Variants in CSMD1 observed in about 807,000 individuals in gnomAD.
CSMD1 encodes CUB and sushi domain-containing protein 1.
A neutral mutation model predicts 417.5 loss-of-function variants in CSMD1; 213 were observed. The observed-to-expected ratio is 0.51, with a 90% CI of 0.46 to 0.57. The LOEUF (loss-of-function observed/expected upper bound fraction) is 0.57. Among genes scored for constraint, CSMD1 ranks in the 20% least tolerant of loss-of-function variants. The pLI, the probability that CSMD1 is intolerant of heterozygous loss-of-function variation, is 0.00. For missense variants in CSMD1, 6,923 were observed against 4,529.7 expected (o/e 1.53, Z -15.17); for synonymous variants, 2,862 against 1,736.8 (o/e 1.65, Z -16.11).
intron 10 of CSMD1, among the ~76,000 whole-genome samples, chr8:3,539,120 G>T (rs939762369): frequency 2.6e-5 from 4 of 152,188 alleles, no homozygotes; most frequent in Admixed American, 1.3e-4. Context: ...CCCGCGGATA[G>T]CAGGGACCGC....
At chr8:3,803,302 C>G (rs1179713083) in intron 5 of CSMD1, among the ~76,000 whole-genome samples, 1 of 152,128 alleles carries the variant, frequency 6.6e-6, no homozygotes, top group African/African-American at 2.4e-5. Context: ...TTAGCAGCAG[C>G]TGGGTAGGGA....
At chr8:4,497,470 C>A (rs188476703) in intron 2 of CSMD1, among the ~76,000 whole-genome samples, 53 of 152,286 alleles carry the variant, frequency 3.5e-4, no homozygotes, top group African/African-American at 1.2e-3. Flanking sequence ...AATTGTGTTT[C>A]ACAGTTATAA....
intron 3 of CSMD1, among the ~76,000 whole-genome samples, chr8:4,265,220 G>A (rs527654126): frequency 2.3e-4 from 35 of 151,808 alleles, no homozygotes; most frequent in African/African-American, 8.2e-4. Flanking sequence ...AAATTATTTA[G>A]TTACAAATTG....
chr8:3,880,623 T>C (rs762648909), intron 5 of CSMD1, among the ~76,000 whole-genome samples: 1 of 152,216 alleles, frequency 6.6e-6, no homozygotes, highest in African/African-American at 2.4e-5. Flanking sequence ...CCATTTTAAA[T>C]CTAGGACATA....
intron 3 of CSMD1, among the ~76,000 whole-genome samples, chr8:4,402,800 C>CTTTTTTTTTTTT (rs60965667): frequency 3.6e-4 from 32 of 89,354 alleles, no homozygotes; most frequent in South Asian, 7.3e-4. Context: ...TCACTTTTTT[C>CTTTTTTTTTTTT]TTTTTTTTTT....
chr8:3,550,067 G>A (rs942454112), intron 10 of CSMD1, among the ~76,000 whole-genome samples: 3 of 152,012 alleles, frequency 2.0e-5, no homozygotes, highest in African/African-American at 7.3e-5. Flanking sequence ...ATCATTCTAA[G>A]TAAAAGGCAA....
chr8:3,973,450 A>G (rs1344664058), intron 5 of CSMD1, among the ~76,000 whole-genome samples: 3 of 152,224 alleles, frequency 2.0e-5, no homozygotes, highest in African/African-American at 7.2e-5. Flanking sequence ...TTTTTTGAAA[A>G]TATGTTGCAA....
chr8:4,041,016 CCTTTTT>C (rs1563352863), intron 3 of CSMD1, among the ~76,000 whole-genome samples: 14 of 78,604 alleles, frequency 1.8e-4, no homozygotes, highest in East Asian at 7.9e-4. Flanking sequence ...TTTTTTTTTT[CCTTTTT>C]TTTTTTTTTT....
chr8:4,956,248 T>C (rs1055295985), intron 1 of CSMD1, among the ~76,000 whole-genome samples: 53 of 70,198 alleles, frequency 7.6e-4, no homozygotes, highest in Non-Finnish European at 1.5e-3. Flanking sequence ...TTACTCGCTA[T>C]TTTTTTTTAA....
chr8:3,920,373 G>C (rs563879803), intron 5 of CSMD1, among the ~76,000 whole-genome samples: 1 of 151,994 alleles, frequency 6.6e-6, no homozygotes, highest in South Asian at 2.1e-4. Context: ...GTGTGTGTGT[G>C]TTTATGTGTG....
At chr8:4,131,787 G>C (rs1401029132) in intron 3 of CSMD1, among the ~76,000 whole-genome samples, 1 of 115,932 alleles carries the variant, frequency 8.6e-6, no homozygotes, top group South Asian at 2.9e-4. Flanking sequence ...TTTTGAGACG[G>C]AGTCTCGCTC....
chr8:3,598,501 C>T (rs377361768), intron 8 of CSMD1, among the ~76,000 whole-genome samples: 3 of 152,208 alleles, frequency 2.0e-5, no homozygotes, highest in East Asian at 1.9e-4. Context: ...GACATCCTTT[C>T]CTTCCCATCC....
chr8:3,217,307 C>T (rs766124815), intron 29 of CSMD1, among the ~76,000 whole-genome samples: 2 of 152,240 alleles, frequency 1.3e-5, no homozygotes, highest in African/African-American at 4.8e-5. Flanking sequence ...ACCTCAGGAA[C>T]TACAGCCTCC....
chr8:3,597,531 C>G (rs974856433), intron 8 of CSMD1, among the ~76,000 whole-genome samples: 2 of 152,146 alleles, frequency 1.3e-5, no homozygotes, highest in Admixed American at 1.3e-4. Flanking sequence ...ACATGTTTTT[C>G]TCACCACAAT....
chr8:3,582,996 G>T (rs1800446275), intron 9 of CSMD1, among the ~76,000 whole-genome samples: 1 of 152,164 alleles, frequency 6.6e-6, no homozygotes, highest in African/African-American at 2.4e-5. Flanking sequence ...TATTTTGTCT[G>T]GCCTTTACAT....
intron 2 of CSMD1, among the ~76,000 whole-genome samples, chr8:4,453,683 G>T (rs1035441180): frequency 2.0e-5 from 3 of 151,982 alleles, no homozygotes; most frequent in African/African-American, 7.3e-5. Flanking sequence ...GCAGTCTACA[G>T]ACCATGCCTG....
chr8:4,964,413 G>C (rs113811191), intron 1 of CSMD1, among the ~76,000 whole-genome samples: 3,525 of 144,550 alleles, frequency 0.024, 135 homozygotes, highest in African/African-American at 0.084. Context: ...CAGCTACCTG[G>C]GAAGCTGAGG....
At chr8:3,716,442 G>A (rs553193643) in intron 6 of CSMD1, among the ~76,000 whole-genome samples, 1 of 152,178 alleles carries the variant, frequency 6.6e-6, no homozygotes, top group African/African-American at 2.4e-5. Context: ...GATTATTCAT[G>A]CCTCCCTTTT....
chr8:4,198,242 A>T (rs993164700), intron 3 of CSMD1, among the ~76,000 whole-genome samples: 2 of 152,212 alleles, frequency 1.3e-5, no homozygotes, highest in African/African-American at 4.8e-5. Flanking sequence ...ACATCCCATT[A>T]AGTTATCCTC....
Sources: allele counts gnomAD v4.1 joint callset (sites outside exome capture counted in the v4.1 genomes callset), GRCh38; gene constraint gnomAD v4.1.1; transcripts MANE v1.5; gene names NCBI Gene and HGNC (gene_info 2026-07-23, HGNC 2026-07-21).